TADA2A: variants seen among roughly 807,000 people sequenced by gnomAD.
TADA2A encodes transcriptional adaptor 2A.
In TADA2A, 38 loss-of-function variants were observed where a neutral mutation model predicts 67.4. That is an observed-to-expected ratio of 0.56 (90% CI 0.44 to 0.74). The LOEUF is 0.74. Among genes scored for constraint, TADA2A ranks in the 30% least tolerant of loss-of-function variants. The pLI, the probability that TADA2A is intolerant of heterozygous loss-of-function variation, is 0.00. For missense variants in TADA2A, 454 were observed against 547.0 expected, an observed-to-expected ratio of 0.83 and a Z score of 1.70; for synonymous variants, 192 against 181.6, an observed-to-expected ratio of 1.06 and a Z score of -0.46.
At chr17:37,464,498 T>C (rs2053616771) in intron 10 of TADA2A, among the ~76,000 whole-genome samples, 1 of 152,220 alleles carries the variant, frequency 6.6e-6, no homozygotes, top group Admixed American at 6.5e-5. Context: ...CTGCCTTTAA[T>C]TGTCTCGTCC....
At chr17:37,421,059 G>A (rs2052217038) in intron 2 of TADA2A, among the ~76,000 whole-genome samples, 1 of 146,608 alleles carries the variant, frequency 6.8e-6, no homozygotes, top group South Asian at 2.2e-4. Context: ...GCTGTGTTAT[G>A]TACTTACCAT....
intron 12 of TADA2A, among the ~76,000 whole-genome samples, chr17:37,470,019 T>A (rs1432688404): frequency 4.6e-5 from 7 of 152,208 alleles, no homozygotes; most frequent in African/African-American, 1.4e-4. Flanking sequence ...CATATGCTTA[T>A]AGCACTTGTG....
intron 10 of TADA2A, 136 bp from the exon 11 acceptor site, chr17:37,465,295 C>G (rs1458428358): frequency 1.5e-6 from 1 of 645,632 alleles, no homozygotes; most frequent in Non-Finnish European, 2.7e-6. Context: ...TGTTTGCTTC[C>G]TGTCATGGAT....
chr17:37,422,080 C>CT lies in TADA2A; in HGVS notation c.26-1428dup, dbSNP rs1228407941. Among the ~76,000 whole-genome samples the CT allele has an allele frequency of 2.8e-5, 4 of 143,948 alleles. 1 individual carries two copies. Among genetic ancestry groups the CT allele is most frequent in the African/African-American group, 1.0e-4 (4 of 39,758 alleles). 94.4% of individuals were successfully genotyped at this position (143,948 alleles called of 152,430 possible). On this transcript the variant is annotated intron_variant, in intron 2 of 15. Coordinates refer to ENST00000615182, the MANE Select transcript of TADA2A (RefSeq NM_001166105.3). ...TTTTTTTTTGAGACAGAGTAAGACT[C>CT]TGTCGCCCAGGCTGGAGTGCAGCGG... is the stretch of plus-strand genomic sequence containing the variant.
intron 4 of TADA2A, among the ~76,000 whole-genome samples, chr17:37,434,155 C>T (rs974618944): frequency 6.6e-6 from 1 of 152,206 alleles, no homozygotes; most frequent in South Asian, 2.1e-4. Context: ...ATGACCTTGA[C>T]AGGTCGAAGT....
At chr17:37,475,430 C>A (rs1252372224) in intron 15 of TADA2A, among the ~76,000 whole-genome samples, 1 of 151,608 alleles carries the variant, frequency 6.6e-6, no homozygotes, top group African/African-American at 2.4e-5. Flanking sequence ...TCCACCTTGG[C>A]CTCCCAAAGT....
rs2053933166 is a variant in TADA2A at position 37,478,555 on chromosome 17, G to T, written c.*1573G>T. ...TTTATATATGGGACTCACTAGATAT[G>T]AGGGTAAGTAGCCCCACCACATGTA... On this transcript the variant is annotated 3_prime_UTR_variant, in exon 16 of 16. Transcript: ENST00000615182. 1.3e-5 allele frequency: 2 copies of T among 152,200 alleles called. No homozygotes were observed. The highest frequency in any genetic ancestry group is 6.5e-5 in the Admixed American group (1 of 15,274). 9.4% of individuals were successfully genotyped at this position (152,200 alleles called of 1,614,324 possible).
intron 14 of TADA2A, among the ~76,000 whole-genome samples, chr17:37,473,745 C>A (rs2053839836): frequency 6.6e-6 from 1 of 152,172 alleles, no homozygotes; most frequent in Non-Finnish European, 1.5e-5. Context: ...TGTGAGTTGA[C>A]CTCAGCCCCT....
At chr17:37,469,598 A>T (rs1268634625) in intron 12 of TADA2A, among the ~76,000 whole-genome samples, 1 of 152,136 alleles carries the variant, frequency 6.6e-6, no homozygotes, top group Non-Finnish European at 1.5e-5. Context: ...GCGCCATTGC[A>T]CTCAAGCCTG....
At chr17:37,426,679 A>C (rs1042223866) in intron 3 of TADA2A, 5 of 229,720 alleles carry the variant, frequency 2.2e-5, no homozygotes, top group South Asian at 1.3e-4. Context: ...AAAAAAAAAA[A>C]AAAAAAAAAA....
intron 9 of TADA2A, among the ~76,000 whole-genome samples, chr17:37,461,638 T>G (rs2053549003): frequency 6.6e-6 from 1 of 152,238 alleles, no homozygotes; most frequent in African/African-American, 2.4e-5. Flanking sequence ...GCCAGTGTTG[T>G]GTGAATGCAC....
At chr17:37,430,469 T>A (rs1285709292) in intron 4 of TADA2A, among the ~76,000 whole-genome samples, 6 of 152,264 alleles carry the variant, frequency 3.9e-5, no homozygotes, top group Non-Finnish European at 7.3e-5. Context: ...GAGTTACTCA[T>A]GCTGTGGTAG....
At chr17:37,473,127 ATTTTTTT>A (rs1020173351) in intron 14 of TADA2A, among the ~76,000 whole-genome samples, 6 of 85,690 alleles carry the variant, frequency 7.0e-5, no homozygotes, top group African/African-American at 2.6e-4. Context: ...ACCTGGAGAA[ATTTTTTT>A]TTTTTTTTTT....
rs777071633 is a variant in TADA2A, at chr17:37,423,613, C to T, written c.130C>T (p.Gln44Ter). 1.9e-6 allele frequency: 3 copies of T among 1,609,110 alleles called. No individual in the cohort carries two copies. The highest frequency in any genetic ancestry group is 2.5e-6 in the Non-Finnish European group (3 of 1,177,900). The change falls in exon 3 of 16, where the codon CAG becomes TAG. Residue 44 changes from glutamine (Q) to a stop codon, truncating the protein, a stop_gained and splice_region_variant. Coordinates refer to ENST00000615182, the MANE Select transcript of TADA2A (RefSeq NM_001166105.3). LOFTEE classifies it high-confidence loss of function. The part of the protein sequence containing the change: ...CGPPPFFLCL[Q>*]CFTRGFEYKK... ...GCCACCTCCTTTTTTCCTCTGCTTG[C>T]AGGTAACTCACTAATGCTGGCTTCT...
At chr17:37,410,710 A>C (rs1448867482) in intron 1 of TADA2A, among the ~76,000 whole-genome samples, 2 of 152,208 alleles carry the variant, frequency 1.3e-5, no homozygotes, top group East Asian at 3.8e-4. Flanking sequence ...TGAATAACTA[A>C]GCTCCAACTG....
chr17:37,466,973 A>G (rs2053677527), intron 11 of TADA2A, among the ~76,000 whole-genome samples: 1 of 152,138 alleles, frequency 6.6e-6, no homozygotes, highest in East Asian at 1.9e-4. Context: ...CCTGGCCATC[A>G]TGGCAGAACC....
chr17:37,417,838 A>G (rs1323283203), intron 2 of TADA2A, among the ~76,000 whole-genome samples: 1 of 152,170 alleles, frequency 6.6e-6, no homozygotes, highest in Non-Finnish European at 1.5e-5. Flanking sequence ...CCTGGCATAC[A>G]TAATTTCAAA....
chr17:37,451,763 C>A (rs912384894), intron 8 of TADA2A, among the ~76,000 whole-genome samples: 1 of 151,500 alleles, frequency 6.6e-6, no homozygotes, highest in Admixed American at 6.6e-5. Flanking sequence ...ACGGGCAGAT[C>A]ACCTGAGGTC....
chr17:37,433,301 T>A (rs2052626256), intron 4 of TADA2A, among the ~76,000 whole-genome samples: 1 of 152,106 alleles, frequency 6.6e-6, no homozygotes, highest in African/African-American at 2.4e-5. Flanking sequence ...AGTTCCCATC[T>A]ATCCTTCATC....
Sources: allele counts gnomAD v4.1 joint callset (sites outside exome capture counted in the v4.1 genomes callset), GRCh38; gene constraint gnomAD v4.1.1; transcripts MANE v1.5; gene names NCBI Gene and HGNC (gene_info 2026-07-23, HGNC 2026-07-21).